Variants in PCDHA1 observed in about 807,000 individuals in gnomAD.
The protein encoded by PCDHA1 is protocadherin alpha 1, also known as protocadherin alpha-1.
Under a neutral mutation model 61.3 loss-of-function variants are expected in PCDHA1, and 42 were observed. That is an observed-to-expected ratio of 0.69 (90% CI 0.54 to 0.89). The LOEUF is 0.89. Among genes scored for constraint, PCDHA1 ranks in the 40% least tolerant of loss-of-function variants. The probability of loss-of-function intolerance (pLI) is 0.00; values close to 1 mark genes in which losing one functional copy is unlikely to be tolerated. For missense variants in PCDHA1, 1,256 were observed against 1,235.3 expected (o/e 1.02, Z -0.25); for synonymous variants, 610 against 553.8 (o/e 1.10, Z -1.43).
chr5:140,926,823 G>A (rs1454618329), intron 1 of PCDHA1: 2 of 1,496,880 alleles, frequency 1.3e-6, no homozygotes, highest in Non-Finnish European at 1.8e-6. Flanking sequence ...TGCTCTCCAG[G>A]AGTCCGGAGC....
intron 1 of PCDHA1, chr5:140,871,301 CGGG>C: frequency 6.2e-7 from 1 of 1,613,916 alleles, no homozygotes; most frequent in East Asian, 2.2e-5. Context: ...GCGTGCGCGC[CGGG>C]GAAGCCCACG....
intron 1 of PCDHA1, among the ~76,000 whole-genome samples, chr5:140,935,722 G>A (rs1230672751): frequency 6.6e-6 from 1 of 152,006 alleles, no homozygotes; most frequent in Non-Finnish European, 1.5e-5. Context: ...TATATTTAGA[G>A]AAGTCTAGTA....
rs1280903830 is a variant in PCDHA1, at chr5:140,927,541, G to T, written c.2395-51408G>T. 4 of 1,613,996 alleles carry T rather than the reference G, an allele frequency of 2.5e-6. No homozygotes were observed. The East Asian group carries it at 6.7e-5, about 27-fold the overall frequency. On this transcript the variant is annotated intron_variant, in intron 1 of 3. Coordinates refer to ENST00000504120, the MANE Select transcript of PCDHA1 (RefSeq NM_018900.4). ...CGGGCTACCTGCCCGCTCAGGAGAC[G>T]CACAAGTCACCATCATTGTGGTGGA...
chr5:140,864,848 T>A (rs1581726954), intron 1 of PCDHA1: 1 of 152,184 alleles, frequency 6.6e-6, no homozygotes, highest in Non-Finnish European at 1.5e-5. Flanking sequence ...AGTCTTCCCA[T>A]ACATGATGAA....
chr5:140,876,250 A>T, intron 1 of PCDHA1: 1 of 1,614,046 alleles, frequency 6.2e-7, no homozygotes, highest in South Asian at 1.1e-5. Flanking sequence ...AAACGACACA[A>T]GAGTGATCCA....
rs782088333 is a variant in PCDHA1 at position 140,786,522 on chromosome 5, A to G, written c.232A>G (p.Asn78Asp). ...AACACACAGGGACCTTCTGGAGGTA[A>G]ATCTGCAGAATGGCATTTTGTTTGT... ...SKTHRDLLEV[N>D]LQNGILFVNS... The change falls in exon 1 of 4, where the codon AAT becomes GAT. Residue 78 changes from asparagine to aspartate, a missense_variant. Physicochemically the swap from Asn to Asp is conservative, Grantham distance 23. Coordinates refer to ENST00000504120, the MANE Select transcript of PCDHA1 (RefSeq NM_018900.4). The G allele has an allele frequency of 5.6e-6, 9 of 1,614,078 alleles. No individual in the cohort carries two copies. The Admixed American group carries it at 1.5e-4, about 27-fold the overall frequency.
chr5:140,901,146 C>T (rs1463079898), intron 1 of PCDHA1, among the ~76,000 whole-genome samples: 1 of 152,062 alleles, frequency 6.6e-6, no homozygotes, highest in Admixed American at 6.6e-5. Context: ...AATATTTTCT[C>T]TCAATCTGTG....
chr5:140,803,529 C>G (rs781877015), intron 1 of PCDHA1: 1 of 1,614,216 alleles, frequency 6.2e-7, no homozygotes, highest in Non-Finnish European at 8.5e-7. Context: ...TAGCCTTCCT[C>G]CTTGTCCAAT....
At chr5:140,919,940 A>C (rs1162813087) in intron 1 of PCDHA1, among the ~76,000 whole-genome samples, 3 of 152,064 alleles carry the variant, frequency 2.0e-5, no homozygotes, top group African/African-American at 7.2e-5. Context: ...GGCTAATTCC[A>C]GTGAAAAGTT....
intron 3 of PCDHA1, among the ~76,000 whole-genome samples, chr5:141,000,389 CTCTCTCTATATA>C (rs1270729414): frequency 5.3e-4 from 33 of 62,572 alleles, no homozygotes; most frequent in African/African-American, 2.0e-3. Context: ...CTCTCTCTCT[CTCTCTCTATATA>C]TATATATATA....
chr5:140,943,493 T>C (rs2093505211), intron 1 of PCDHA1, among the ~76,000 whole-genome samples: 1 of 152,118 alleles, frequency 6.6e-6, no homozygotes, highest in Non-Finnish European at 1.5e-5. Context: ...AAATAGATGC[T>C]ATCAAGGTTC....
At chr5:140,870,534 G>T (rs547039725) in intron 1 of PCDHA1, 12 of 1,614,150 alleles carry the variant, frequency 7.4e-6, no homozygotes, top group Non-Finnish European at 1.0e-5. Context: ...TCACAGTGTC[G>T]GCGCGGGACG....
chr5:140,981,673 C>T (rs1184909774), intron 2 of PCDHA1, among the ~76,000 whole-genome samples: 1 of 152,108 alleles, frequency 6.6e-6, no homozygotes, highest in African/African-American at 2.4e-5. Flanking sequence ...TTCCTTTCTT[C>T]CTTCCTCCCT....
Position 140,843,393 on chromosome 5 carries a change from C to T in PCDHA1, c.2394+54709C>T. ...TCGGCTGGCGTTTTGGGTCCGGAAG[C>T]GGCGCTGGTGGATGTCAACGTGTAC... On this transcript the variant is annotated intron_variant, in intron 1 of 3. Coordinates refer to ENST00000504120, the MANE Select transcript of PCDHA1 (RefSeq NM_018900.4). The T allele has an allele frequency of 1.9e-6, 3 of 1,596,052 alleles. 1 individual carries two copies. Among genetic ancestry groups the T allele is most frequent in the South Asian group, 2.2e-5 (2 of 90,510 alleles).
chr5:140,798,494 A>G (rs1043207373), intron 1 of PCDHA1, among the ~76,000 whole-genome samples: 3 of 152,210 alleles, frequency 2.0e-5, no homozygotes, highest in Non-Finnish European at 4.4e-5. Context: ...GAGACTACCC[A>G]GTCTTTATGT....
chr5:140,875,687 G>T, intron 1 of PCDHA1: 10 of 1,614,012 alleles, frequency 6.2e-6, no homozygotes, highest in Non-Finnish European at 8.5e-6. Context: ...AAAAGACACG[G>T]GGACCTTCTG....
chr5:140,854,575 AT>A (rs1416298079), intron 1 of PCDHA1: 1 of 149,968 alleles, frequency 6.7e-6, no homozygotes, highest in Non-Finnish European at 1.5e-5. Context: ...TGTCATTCAG[AT>A]TTTAATAAAA....
chr5:140,967,745 G>T, intron 1 of PCDHA1: 1 of 1,614,184 alleles, frequency 6.2e-7, no homozygotes, highest in Non-Finnish European at 8.5e-7. Flanking sequence ...GGATTATGAG[G>T]AAGCCTCCTC....
At chr5:140,828,136 C>A (rs936364862) in intron 1 of PCDHA1, 3 of 1,613,852 alleles carry the variant, frequency 1.9e-6, no homozygotes, top group Non-Finnish European at 2.5e-6. Context: ...AATGTCTGCT[C>A]CTCCCGCTTC....
Sources: gnomAD v4.1 joint callset for allele counts (sites outside exome capture counted in the v4.1 genomes callset) on GRCh38, gnomAD v4.1.1 for gene constraint, MANE v1.5 for transcripts, NCBI Gene and HGNC (gene_info 2026-07-23, HGNC 2026-07-21) for gene names.